ATF7IP: variants seen among roughly 807,000 people sequenced by gnomAD.
ATF7IP encodes the protein activating transcription factor 7 interacting protein.
Under a neutral mutation model 106.4 loss-of-function variants are expected in ATF7IP, and 23 were observed. That is an observed-to-expected ratio of 0.22 (90% CI 0.16 to 0.31). The LOEUF is 0.31. Ranked by LOEUF, ATF7IP falls within the 10% of genes least tolerant of loss-of-function variation. The pLI, the probability that ATF7IP is intolerant of heterozygous loss-of-function variation, is 1.00. For missense variants in ATF7IP, 1,334 were observed against 1,524.3 expected (o/e 0.88, Z 2.08); for synonymous variants, 542 against 539.0 (o/e 1.01, Z -0.08).
chr12:14,398,589 A>G (rs1002800204), intron 1 of ATF7IP, among the ~76,000 whole-genome samples: 2 of 151,388 alleles, frequency 1.3e-5, no homozygotes, highest in Non-Finnish European at 3.0e-5. Context: ...TTTATTGGGT[A>G]TACAGTTCTA....
intron 5 of ATF7IP, among the ~76,000 whole-genome samples, chr12:14,446,463 T>A (rs1448282894): frequency 6.6e-6 from 1 of 152,142 alleles, no homozygotes; most frequent in Non-Finnish European, 1.5e-5. Flanking sequence ...AATGTTTTTA[T>A]CAGATTGTTA....
In ATF7IP at chr12:14,497,641, C is replaced by G; in HGVS notation, c.3394-13C>G. ...TTGCAATCATCATTAATCAGTGTGA[C>G]CTGTTTCTTCAGGAGCCCCCACGCC... On this transcript the variant is annotated splice_polypyrimidine_tract_variant and intron_variant, in intron 14 of 14. Transcript: ENST00000261168. 1.9e-6 allele frequency: 3 copies of G among 1,606,830 alleles called. No homozygotes were observed. The highest frequency in any genetic ancestry group is 2.6e-6 in the Non-Finnish European group (3 of 1,175,724).
At position 14,445,892 on chromosome 12, in the gene ATF7IP, TCAGCAG is replaced by T. The variant is rs567927216; in HGVS notation, c.1930-1093_1930-1088del. 5.2e-4 allele frequency among the ~76,000 whole-genome samples: 79 copies of T among 152,340 alleles called. 2 individuals carry two copies. The South Asian group carries it at 0.016, about 31-fold the overall frequency. On this transcript the variant is annotated intron_variant, in intron 5 of 14. Coordinates refer to ENST00000261168, the MANE Select transcript of ATF7IP (RefSeq NM_018179.5). ...AAAATATGTTTAATTTAAAATGGCTTCAGCAGCAACAGCAACAGAAACAGTTGAATA... is the reference window on the plus strand; with the variant it reads ...AAAATATGTTTAATTTAAAATGGCTTCAACAGCAACAGAAACAGTTGAATA...
Position 14,438,197 on chromosome 12 carries a change from C to T in ATF7IP, c.1859C>T (p.Ala620Val). 7 of 1,613,146 alleles carry T rather than the reference C, an allele frequency of 4.3e-6. No homozygotes were observed. Among genetic ancestry groups the T allele is most frequent in the Non-Finnish European group, 5.9e-6 (7 of 1,179,892 alleles). ...LQCAVFDKTLAELKTRVEKIE... is the reference protein window; with the variant it reads ...LQCAVFDKTLVELKTRVEKIE... ...TGTGCTGTATTTGATAAGACTTTGG[C>T]AGAATTGAAAACACGAGTGGAAAAG... is the stretch of plus-strand genomic sequence containing the variant. The change falls in exon 5 of 15, where the codon GCA becomes GTA. Residue 620 changes from alanine to valine, a missense_variant. Ala to Val is a moderately conservative substitution (Grantham distance 64). Transcript: ENST00000261168.
intron 13 of ATF7IP, among the ~76,000 whole-genome samples, chr12:14,487,804 A>G (rs1369052251): frequency 2.0e-5 from 3 of 152,162 alleles, no homozygotes; most frequent in African/African-American, 7.2e-5. Flanking sequence ...CCCTGAGTTC[A>G]TCATTTTCTT....
At chr12:14,473,284 C>CTGTATG (rs1308385092) in intron 10 of ATF7IP, among the ~76,000 whole-genome samples, 71 of 68,590 alleles carry the variant, frequency 1.0e-3, no homozygotes, top group Non-Finnish European at 1.2e-3. Flanking sequence ...CGCTCTCTCT[C>CTGTATG]TCTCTCTGTG....
At chr12:14,448,434 T>C (rs763693018) in intron 6 of ATF7IP, among the ~76,000 whole-genome samples, 3 of 152,220 alleles carry the variant, frequency 2.0e-5, no homozygotes, top group Non-Finnish European at 4.4e-5. Flanking sequence ...CCATGCACTT[T>C]GATCACATGT....
intron 1 of ATF7IP, among the ~76,000 whole-genome samples, chr12:14,404,223 A>C (rs1052809725): frequency 6.6e-6 from 1 of 151,912 alleles, no homozygotes; most frequent in Non-Finnish European, 1.5e-5. Context: ...TTTCATGGTC[A>C]TACATGTAGA....
chr12:14,460,300 T>A (rs569874560), intron 8 of ATF7IP, among the ~76,000 whole-genome samples, 195 bp from the exon 9 acceptor site: 2 of 152,354 alleles, frequency 1.3e-5, no homozygotes, highest in East Asian at 3.9e-4. Flanking sequence ...TTACTAAAAC[T>A]ACATGCAAAA....
chr12:14,500,689 G>A lies in ATF7IP; in HGVS notation c.*2616G>A, dbSNP rs1351256791. ...CAATTTTCTTACCTAACCTACAAAA[G>A]GTTCTCTTGATGAACATTTTTATTT... is the stretch of plus-strand genomic sequence containing the variant. On this transcript the variant is annotated 3_prime_UTR_variant, in exon 15 of 15. Coordinates refer to ENST00000261168, the MANE Select transcript of ATF7IP (RefSeq NM_018179.5). 1 of 151,834 alleles carries A rather than the reference G, an allele frequency of 6.6e-6. No homozygotes were observed. The highest frequency in any genetic ancestry group is 1.5e-5 in the Non-Finnish European group (1 of 67,972). The allele number at this position is 151,834 out of a possible 1,614,324, so 9.4% of individuals were successfully genotyped here.
rs1421298608 is a variant in ATF7IP, at chr12:14,460,604, C to T, written c.2268C>T (p.Pro756=). Residue 756 remains proline, a synonymous_variant, in exon 9 of 15, where the codon CCC becomes CCT. Coordinates refer to ENST00000261168, the MANE Select transcript of ATF7IP (RefSeq NM_018179.5). ...CAGCAACGTCAGTTCTTCCTGCACC[C>T]AATACAGCTACTGTAGTTGCTACTA... ...SLTATSVLPA[P]NTATVVATTQ... is the part of the protein sequence containing the mutation. 1.9e-6 allele frequency: 3 copies of T among 1,614,150 alleles called. No individual in the cohort carries two copies. Among genetic ancestry groups the T allele is most frequent in the Non-Finnish European group, 2.5e-6 (3 of 1,180,014 alleles).
At chr12:14,469,996 A>G (rs1943980787) in intron 10 of ATF7IP, among the ~76,000 whole-genome samples, 1 of 152,174 alleles carries the variant, frequency 6.6e-6, no homozygotes, top group Non-Finnish European at 1.5e-5. Flanking sequence ...ATGGCATTGG[A>G]AACTCAGGAT....
chr12:14,373,381 T>G (rs1487485927), intron 1 of ATF7IP, among the ~76,000 whole-genome samples: 1 of 152,208 alleles, frequency 6.6e-6, no homozygotes, highest in Non-Finnish European at 1.5e-5. Context: ...ACATATGGCT[T>G]CCATCACTAG....
rs1945052974 is a variant in ATF7IP, at chr12:14,497,642, C to G, written c.3394-12C>G. On this transcript the variant is annotated splice_polypyrimidine_tract_variant and intron_variant, in intron 14 of 14. Coordinates refer to ENST00000261168, the MANE Select transcript of ATF7IP (RefSeq NM_018179.5). ...TGCAATCATCATTAATCAGTGTGAC[C>G]TGTTTCTTCAGGAGCCCCCACGCCC... 3 of 1,606,700 alleles carry G rather than the reference C, an allele frequency of 1.9e-6. No individual in the cohort carries two copies. The highest frequency in any genetic ancestry group is 2.6e-6 in the Non-Finnish European group (3 of 1,175,742).
At chr12:14,396,822 A>G (rs950683020) in intron 1 of ATF7IP, among the ~76,000 whole-genome samples, 1 of 152,180 alleles carries the variant, frequency 6.6e-6, no homozygotes, top group Non-Finnish European at 1.5e-5. Context: ...GGATAGTAGG[A>G]CAGAGGTATA....
chr12:14,493,372 TTAGTG>T (rs1308790337), intron 13 of ATF7IP, among the ~76,000 whole-genome samples: 4 of 152,318 alleles, frequency 2.6e-5, no homozygotes, highest in Non-Finnish European at 4.4e-5. Context: ...CACCAGTACT[TTAGTG>T]TAGTTATACA....
At chr12:14,436,304 C>T in intron 4 of ATF7IP, 53 bp downstream of exon 4, 2 of 1,481,142 alleles carry the variant, frequency 1.4e-6, no homozygotes, top group Non-Finnish European at 1.8e-6. Context: ...GCACCACTAT[C>T]TTCTTCTAGG....
chr12:14,393,340 G>A (rs1178414648), intron 1 of ATF7IP, among the ~76,000 whole-genome samples: 1 of 152,040 alleles, frequency 6.6e-6, no homozygotes, highest in Non-Finnish European at 1.5e-5. Flanking sequence ...TTTATGATCA[G>A]TATATGGTAC....
In ATF7IP at chr12:14,422,351, ACACAC is replaced by A. The variant is rs1244911011; in HGVS notation, c.-7-1557_-7-1553del. On this transcript the variant is annotated intron_variant, in intron 1 of 14. Transcript: ENST00000261168. ...CACACACACACACACACACACACAC[ACACAC>A]AACCTTTGTATTTATTTTGAAATTT... 5.0e-5 allele frequency among the ~76,000 whole-genome samples: 7 copies of A among 141,062 alleles called. No individual in the cohort carries two copies. In the East Asian group the frequency reaches 7.9e-4, roughly 16 times the overall value. The allele number at this position is 141,062 out of a possible 152,430, so 92.5% of individuals were successfully genotyped here. A position where few individuals can be genotyped will look rare whatever the true frequency, so the allele number is the denominator to read the frequency against.
Sources: allele counts gnomAD v4.1 joint callset (sites outside exome capture counted in the v4.1 genomes callset), GRCh38; gene constraint gnomAD v4.1.1; transcripts MANE v1.5; gene names NCBI Gene and HGNC (gene_info 2026-07-23, HGNC 2026-07-21).